BNC2: variants seen among roughly 807,000 people sequenced by gnomAD.
BNC2 encodes basonuclin zinc finger protein 2.
Under a neutral mutation model 76.3 loss-of-function variants are expected in BNC2, and 20 were observed. The observed-to-expected ratio is 0.26, with a 90% CI of 0.18 to 0.38. The LOEUF is 0.38. BNC2 is among the 10% of genes least tolerant of loss of function. The probability of loss-of-function intolerance (pLI) is 1.00; values close to 1 mark genes in which losing one functional copy is unlikely to be tolerated. For missense variants in BNC2, 1,382 were observed against 1,399.8 expected (o/e 0.99, Z 0.20); for synonymous variants, 582 against 514.8 (o/e 1.13, Z -1.77).
At position 16,751,652 on chromosome 9, in the gene BNC2, A is replaced by G. The variant is rs71476253; in HGVS notation, c.4-13167T>C. Among the ~76,000 whole-genome samples, 537 of 86,926 alleles carry G rather than the reference A, an allele frequency of 6.2e-3. 13 individuals are homozygous for G. Among genetic ancestry groups the G allele is most frequent in the African/African-American group, 0.035 (496 of 14,082 alleles). 57.0% of individuals were successfully genotyped at this position (86,926 alleles called of 152,430 possible). A position where few individuals can be genotyped will look rare whatever the true frequency, so the allele number is the denominator to read the frequency against. ...TATGTATGTATATATGTATGTGTGT[A>G]TATATATATGTATGTATGTGTATAT... On this transcript the variant is annotated intron_variant, in intron 1 of 6. Coordinates refer to ENST00000380672, the MANE Select transcript of BNC2 (RefSeq NM_017637.6).
chr9:16,817,865 TG>T (rs1818221852), intron 1 of BNC2, among the ~76,000 whole-genome samples: 1 of 152,170 alleles, frequency 6.6e-6, no homozygotes. Context: ...TTTACTTTTA[TG>T]TTTTAGGGTC....
At chr9:16,620,828 G>A (rs1464755619) in intron 3 of BNC2, among the ~76,000 whole-genome samples, 1 of 152,158 alleles carries the variant, frequency 6.6e-6, no homozygotes, top group Non-Finnish European at 1.5e-5. Flanking sequence ...ATTACAGTAA[G>A]AACACTGATC....
chr9:16,665,245 C>T (rs1822236742), intron 3 of BNC2: 2 of 365,074 alleles, frequency 5.5e-6, no homozygotes, highest in Admixed American at 7.4e-5. Flanking sequence ...TGGTGCATGC[C>T]TGTAATCCCA....
At chr9:16,841,183 T>A (rs1238528962) in intron 1 of BNC2, among the ~76,000 whole-genome samples, 1 of 152,240 alleles carries the variant, frequency 6.6e-6, no homozygotes. Context: ...TAATGAGTTT[T>A]TGTTTGTCAG....
chr9:16,419,565 A>C lies in BNC2; in HGVS notation c.2724T>G (p.Leu908=). 1 of 1,610,116 alleles carries C rather than the reference A, an allele frequency of 6.2e-7. No homozygotes were observed. Among genetic ancestry groups the C allele is most frequent in the Non-Finnish European group, 8.5e-7 (1 of 1,178,182 alleles). Residue 908 remains leucine, a synonymous_variant, in exon 7 of 7, where the codon CTT becomes CTG. Transcript: ENST00000380672. ...AAAATTCATCGCGGAGGTCCTTGCT[A>C]AGGGAGGGCTGCGACGAGTCCAGGC... The part of the protein sequence containing the change: ...DMGLDSSQPS[L]SKDLRDEFLV...
intron 3 of BNC2, among the ~76,000 whole-genome samples, chr9:16,708,013 T>C (rs1187098501): frequency 1.3e-5 from 2 of 152,164 alleles, no homozygotes; most frequent in African/African-American, 2.4e-5. Context: ...AATCAGAGCA[T>C]GCTACAAATA....
At chr9:16,463,072 G>A (rs1439248783) in intron 5 of BNC2, among the ~76,000 whole-genome samples, 3 of 151,966 alleles carry the variant, frequency 2.0e-5, no homozygotes, top group Admixed American at 1.3e-4. Flanking sequence ...ACTACTGAAA[G>A]CAATGTTGTT....
intron 1 of BNC2, among the ~76,000 whole-genome samples, chr9:16,773,668 T>C (rs973853470): frequency 3.3e-5 from 5 of 152,210 alleles, no homozygotes; most frequent in Admixed American, 2.6e-4. Flanking sequence ...GCAACCTTTT[T>C]ACCAAGTCTT....
At chr9:16,442,720 A>C (rs1465626702) in intron 5 of BNC2, among the ~76,000 whole-genome samples, 1 of 152,192 alleles carries the variant, frequency 6.6e-6, no homozygotes, top group Non-Finnish European at 1.5e-5. Flanking sequence ...ACAGGAAAAC[A>C]ACTGCTTTCT....
intron 1 of BNC2, among the ~76,000 whole-genome samples, 194 bp from the exon 2 acceptor site, chr9:16,738,679 A>C (rs1269223653): frequency 6.6e-6 from 1 of 152,222 alleles, no homozygotes; most frequent in Non-Finnish European, 1.5e-5. Context: ...CTAAAGTAAC[A>C]AAGTGGGAAT....
Position 16,657,499 on chromosome 9 carries a change from G to A in BNC2, c.330+70298C>T, listed in dbSNP as rs141465642. On this transcript the variant is annotated intron_variant, in intron 3 of 6. Transcript: ENST00000380672. ...AGAAGCTAGACTGTGGGAGGCTAAG[G>A]CAGAAGAGGAAACAAATTTTTTATG... is the stretch of plus-strand genomic sequence containing the variant. Among the ~76,000 whole-genome samples, 5 of 152,296 alleles carry A rather than the reference G, an allele frequency of 3.3e-5. No individual in the cohort carries two copies. The East Asian group carries it at 9.7e-4, about 29-fold the overall frequency.
intron 1 of BNC2, among the ~76,000 whole-genome samples, chr9:16,788,369 T>C (rs10810631): frequency 0.4 from 59,901 of 151,226 alleles, 13,185 homozygotes; most frequent in East Asian, 0.7. Flanking sequence ...CTGGCTAACA[T>C]GGTGAAACCC....
chr9:16,616,170 T>A (rs540134152), intron 3 of BNC2, among the ~76,000 whole-genome samples: 1 of 152,214 alleles, frequency 6.6e-6, no homozygotes, highest in South Asian at 2.1e-4. Flanking sequence ...GAGGATCATT[T>A]GAGTCCAGGA....
At chr9:16,811,968 T>C (rs1345219865) in intron 1 of BNC2, among the ~76,000 whole-genome samples, 1 of 152,190 alleles carries the variant, frequency 6.6e-6, no homozygotes, top group Non-Finnish European at 1.5e-5. Flanking sequence ...AAAGAATTAA[T>C]CAGAAGTCAT....
intron 5 of BNC2, among the ~76,000 whole-genome samples, chr9:16,493,476 T>C (rs1174641258): frequency 6.6e-6 from 1 of 152,196 alleles, no homozygotes; most frequent in Admixed American, 6.5e-5. Context: ...GTAATAAACG[T>C]GGCAACATGG....
chr9:16,685,788 G>C (rs1822960299), intron 3 of BNC2, among the ~76,000 whole-genome samples: 1 of 152,202 alleles, frequency 6.6e-6, no homozygotes, highest in Non-Finnish European at 1.5e-5. Flanking sequence ...CAAATATATA[G>C]TGAATACCAT....
chr9:16,857,838 A>G (rs1819301836), intron 1 of BNC2, among the ~76,000 whole-genome samples: 1 of 152,274 alleles, frequency 6.6e-6, no homozygotes, highest in African/African-American at 2.4e-5. Flanking sequence ...TAGCATGAAT[A>G]AAGAGAAAAT....
chr9:16,825,915 A>C (rs1359415292), intron 1 of BNC2, among the ~76,000 whole-genome samples: 1 of 152,156 alleles, frequency 6.6e-6, no homozygotes, highest in Admixed American at 6.5e-5. Context: ...GACAGAGAGA[A>C]GGGACACTTT....
rs1223439759 is a variant in BNC2 at position 16,412,374 on chromosome 9, C to T, written c.*6615G>A. The T allele has an allele frequency of 6.6e-6, 1 of 152,488 alleles. No individual in the cohort carries two copies. The highest frequency in any genetic ancestry group is 6.5e-5 in the Admixed American group (1 of 15,272). 9.4% of individuals were successfully genotyped at this position (152,488 alleles called of 1,614,324 possible). On this transcript the variant is annotated 3_prime_UTR_variant, in exon 7 of 7. Coordinates refer to ENST00000380672, the MANE Select transcript of BNC2 (RefSeq NM_017637.6). Reference sequence around the variant, plus strand: ...GCGTAACCAGTTTACAACATGTGCACTTTTTGAAGGGGAAGAAAAATATTT... The same window carrying T: ...GCGTAACCAGTTTACAACATGTGCATTTTTTGAAGGGGAAGAAAAATATTT...
Sources: allele counts gnomAD v4.1 joint callset (sites outside exome capture counted in the v4.1 genomes callset), GRCh38; gene constraint gnomAD v4.1.1; transcripts MANE v1.5; gene names NCBI Gene and HGNC (gene_info 2026-07-23, HGNC 2026-07-21).